SLC2A9: variants seen among roughly 807,000 people sequenced by gnomAD.
SLC2A9 encodes the protein solute carrier family 2, facilitated glucose transporter member 9.
In SLC2A9, 39 loss-of-function variants were observed where a neutral mutation model predicts 50.6. The ratio of observed to expected loss-of-function variants is 0.77; its 90% CI spans 0.60 to 1.01. The LOEUF (loss-of-function observed/expected upper bound fraction) is 1.01. SLC2A9 is among the 50% of genes least tolerant of loss of function. The pLI, the probability that SLC2A9 is intolerant of heterozygous loss-of-function variation, is 0.00. For missense variants in SLC2A9, 686 were observed against 677.6 expected (o/e 1.01, Z -0.14); for synonymous variants, 324 against 276.9 (o/e 1.17, Z -1.69).
intron 11 of SLC2A9, among the ~76,000 whole-genome samples, chr4:9,832,176 A>G (rs1301294203): frequency 6.6e-6 from 1 of 152,148 alleles, no homozygotes; most frequent in Non-Finnish European, 1.5e-5. Flanking sequence ...TAGGTCAGAA[A>G]TGGTTCACGT....
At chr4:10,038,506 CAAAAAAAAAAAA>C (rs35698968) in intron 1 of SLC2A9, among the ~76,000 whole-genome samples, 1 of 49,432 alleles carries the variant, frequency 2.0e-5, no homozygotes, top group Non-Finnish European at 3.5e-5. Context: ...GACTCTGTCT[CAAAAAAAAAAAA>C]AAAAAAAAAA....
intron 5 of SLC2A9, among the ~76,000 whole-genome samples, chr4:9,978,818 G>T (rs1439888345): frequency 6.6e-6 from 1 of 152,216 alleles, no homozygotes; most frequent in Non-Finnish European, 1.5e-5. Context: ...TCGATTGGCT[G>T]AAATATAAAA....
chr4:9,911,887 AC>A (rs1420915648), intron 7 of SLC2A9, among the ~76,000 whole-genome samples: 1 of 152,180 alleles, frequency 6.6e-6, no homozygotes, highest in Non-Finnish European at 1.5e-5. Context: ...TCTGGAACCA[AC>A]CCAAATGTCC....
intron 4 of SLC2A9, among the ~76,000 whole-genome samples, chr4:9,980,961 C>CTGATGGTGTTGGTGGAGGTGATGGTAT (rs1755649330): frequency 6.6e-6 from 1 of 151,944 alleles, no homozygotes; most frequent in Non-Finnish European, 1.5e-5. Context: ...CAGGACACAG[C>CTGATGGTGTTGGTGGAGGTGATGGTAT]TGATGGTGTT....
chr4:9,783,539 A>C, intron 3 of SLC2A9: 1 of 1,341,350 alleles, frequency 7.5e-7, no homozygotes, highest in Non-Finnish European at 1.0e-6. Context: ...ACGCAAATAC[A>C]TGCCTTTCCA....
intron 2 of SLC2A9, chr4:10,009,426 A>G (rs550200563): frequency 5.3e-5 from 8 of 152,350 alleles, no homozygotes; most frequent in Admixed American, 5.2e-4. Context: ...CTACCCTTAT[A>G]GAGGGAAATG....
Position 9,826,397 on chromosome 4 carries a change from T to C in SLC2A9, c.1623A>G (p.Ter541=), listed in dbSNP as rs144718252. 3 of 1,614,052 alleles carry C rather than the reference T, an allele frequency of 1.9e-6. No individual in the cohort carries two copies. The highest frequency in any genetic ancestry group is 2.2e-5 in the South Asian group (2 of 91,086). The change falls in exon 12 of 12, where the codon TAA becomes TAG. Residue 541 remains the stop codon, a stop_retained_variant. Coordinates refer to ENST00000264784, the MANE Select transcript of SLC2A9 (RefSeq NM_020041.3). The stretch of plus-strand genomic sequence containing the variant: ...TGTCCAACGTGGAGGAGGAAACTTG[T>C]TAAGGCCTTCCATTTATCTTACCAT... ...VTDGKINGRP[*] is the part of the protein sequence containing the mutation.
chr4:9,777,445 T>C (rs1717718020), downstream of SLC2A9, among the ~76,000 whole-genome samples: 3 of 152,172 alleles, frequency 2.0e-5, no homozygotes, highest in Non-Finnish European at 4.4e-5. Context: ...ACCCTATCTG[T>C]CACTTACACA....
At chr4:9,965,875 T>C (rs1752973564) in intron 5 of SLC2A9, among the ~76,000 whole-genome samples, 1 of 152,118 alleles carries the variant, frequency 6.6e-6, no homozygotes, top group South Asian at 2.1e-4. Context: ...AAAATAAAAA[T>C]AGATTTTTAC....
intron 10 of SLC2A9, among the ~76,000 whole-genome samples, chr4:9,845,427 C>CTTCTTTTTTTTTTTTTTTT (rs1728806813): frequency 9.2e-6 from 1 of 108,692 alleles, no homozygotes. Flanking sequence ...TCATCAATTT[C>CTTCTTTTTTTTTTTTTTTT]TTTTTTTTTT....
At position 9,937,987 on chromosome 4, in the gene SLC2A9, T is replaced by C. The variant is rs76530932; in HGVS notation, c.814+3926A>G. ...ATCTATGATGTCCACACTTCTGTGA[T>C]CACACAGATTCTTTTTATGTTCTCT... On this transcript the variant is annotated intron_variant, in intron 6 of 11. Coordinates refer to ENST00000264784, the MANE Select transcript of SLC2A9 (RefSeq NM_020041.3). Among the ~76,000 whole-genome samples the C allele has an allele frequency of 3.4e-3, 513 of 152,374 alleles. 4 individuals are homozygous for C. The highest frequency in any genetic ancestry group is 0.011 in the African/African-American group (468 of 41,594).
intron 3 of SLC2A9, among the ~76,000 whole-genome samples, chr4:9,804,173 T>C (rs1290025842): frequency 6.6e-6 from 1 of 152,144 alleles, no homozygotes; most frequent in East Asian, 1.9e-4. Context: ...GAGAAGAAAA[T>C]AGCTCTACCT....
intron 2 of SLC2A9, among the ~76,000 whole-genome samples, chr4:9,999,979 G>T (rs1759477970): frequency 6.6e-6 from 1 of 152,156 alleles, no homozygotes; most frequent in Non-Finnish European, 1.5e-5. Context: ...AGATGGTGTT[G>T]CAGAAAGTGA....
intron 10 of SLC2A9, among the ~76,000 whole-genome samples, chr4:9,880,884 C>T (rs1395298933): frequency 6.6e-6 from 1 of 152,218 alleles, no homozygotes; most frequent in Admixed American, 6.5e-5. Context: ...TGGCTGGTGT[C>T]TCTGCCTCCA....
intron 5 of SLC2A9, among the ~76,000 whole-genome samples, chr4:9,967,060 C>T (rs6449178): frequency 0.47 from 72,078 of 152,056 alleles, 18,202 homozygotes; most frequent in African/African-American, 0.64. Context: ...CTTGTGGGAA[C>T]TTTAGAACTC....
intron 10 of SLC2A9, among the ~76,000 whole-genome samples, chr4:9,837,033 TATG>T (rs1459456321): frequency 6.6e-6 from 1 of 152,122 alleles, no homozygotes; most frequent in African/African-American, 2.4e-5. Context: ...ATCACCCCAC[TATG>T]ATGCCAGCAA....
chr4:9,790,689 A>G (rs1719802192), intron 3 of SLC2A9, among the ~76,000 whole-genome samples: 1 of 152,200 alleles, frequency 6.6e-6, no homozygotes, highest in Non-Finnish European at 1.5e-5. Context: ...AACTACTTGA[A>G]AGTTAAAATA....
intron 10 of SLC2A9, among the ~76,000 whole-genome samples, chr4:9,875,589 A>G (rs565922396): frequency 6.6e-6 from 1 of 152,186 alleles, no homozygotes; most frequent in Non-Finnish European, 1.5e-5. Flanking sequence ...CCTTTAGCTT[A>G]GTTGCCTATT....
chr4:9,920,552 T>C lies in SLC2A9; in HGVS notation c.835A>G (p.Lys279Glu). The C allele has an allele frequency of 6.2e-7, 1 of 1,614,166 alleles. No homozygotes were observed. Among genetic ancestry groups the C allele is most frequent in the Non-Finnish European group, 8.5e-7 (1 of 1,180,042 alleles). ...AVKAFQTFLG[K>E]ADVSQEVEEV... ...TCTACCTCTTGGGAAACGTCTGCTT[T>C]ACCCAAGAACGTTTGGAAGGCTGCA... The change falls in exon 7 of 12, where the codon AAA becomes GAA. Residue 279 changes from lysine (K) to glutamate (E), a missense_variant. Coordinates refer to ENST00000264784, the MANE Select transcript of SLC2A9 (RefSeq NM_020041.3).
Sources: allele counts gnomAD v4.1 joint callset (sites outside exome capture counted in the v4.1 genomes callset), GRCh38; gene constraint gnomAD v4.1.1; transcripts MANE v1.5; gene names NCBI Gene and HGNC (gene_info 2026-07-23, HGNC 2026-07-21).